FOXC2: variants seen among roughly 807,000 people sequenced by gnomAD.
FOXC2 encodes the protein forkhead box C2.
Under a neutral mutation model 7.2 loss-of-function variants are expected in FOXC2, and 7 were observed. The observed-to-expected ratio is 0.97, with a 90% CI of 0.55 to 1.81. FOXC2 has a LOEUF of 1.81. Among genes scored for constraint, FOXC2 ranks in the 40% most tolerant of loss-of-function variants. The pLI is 0.00. For missense variants in FOXC2, 846 were observed against 741.2 expected (o/e 1.14, Z -1.64); for synonymous variants, 436 against 350.4 (o/e 1.24, Z -2.73).
In FOXC2 at chr16:86,568,973, G is replaced by A. The variant is rs1174912233; in HGVS notation, c.*132G>A. The A allele has an allele frequency of 8.1e-7, 1 of 1,239,582 alleles. No individual in the cohort carries two copies. Among genetic ancestry groups the A allele is most frequent in the Non-Finnish European group, 1.2e-6 (1 of 869,468 alleles). The allele number at this position is 1,239,582 out of a possible 1,614,324, so 76.8% of individuals were successfully genotyped here. ...GTCCACCAACCTTTTCTCAGACCCG[G>A]GAGCAGAGAGCGGGCACGCTAGCCC... On this transcript the variant is annotated 3_prime_UTR_variant, in exon 1 of 1. Transcript: ENST00000649859. This position sits in a 1 kb window ranked among gnomAD's most constrained non-coding sequence, Gnocchi z 5.2.
chr16:86,568,917 G>A lies in FOXC2; in HGVS notation c.*76G>A. The A allele has an allele frequency of 1.9e-6, 3 of 1,583,410 alleles. No individual in the cohort carries two copies. The highest frequency in any genetic ancestry group is 2.6e-6 in the Non-Finnish European group (3 of 1,161,526). On this transcript the variant is annotated 3_prime_UTR_variant, in exon 1 of 1. Transcript: ENST00000649859. This position sits in a 1 kb window ranked among gnomAD's most constrained non-coding sequence, Gnocchi z 5.2. ...CCCGACCCAACCAGACAATTAAGGG[G>A]CTGCAGAGACGCAAAAAAGAAACAA...
chr16:86,568,202 G>C lies in FOXC2; in HGVS notation c.867G>C (p.Pro289=), dbSNP rs1394410046. The C allele has an allele frequency of 1.6e-6, 2 of 1,279,270 alleles. No individual in the cohort carries two copies. Among genetic ancestry groups the C allele is most frequent in the Non-Finnish European group, 9.8e-7 (1 of 1,020,406 alleles). 79.2% of individuals were successfully genotyped at this position (1,279,270 alleles called of 1,614,324 possible). A position where few individuals can be genotyped will look rare whatever the true frequency, so the allele number is the denominator to read the frequency against. Residue 289 remains proline (P), a synonymous_variant, in exon 1 of 1, where the codon CCG becomes CCC. Transcript: ENST00000649859. This position sits in a 1 kb window ranked among gnomAD's most constrained non-coding sequence, Gnocchi z 5.2. ...RTSPPGGELS[P]GAGRAGLVVP... ...CGCCGCCGGGCGGAGAGCTGAGCCCGGGGGCCGGACGCGCGGGCCTGGTGG... is the reference window on the plus strand; with the variant it reads ...CGCCGCCGGGCGGAGAGCTGAGCCCCGGGGCCGGACGCGCGGGCCTGGTGG...
chr16:86,566,912 C>T lies in FOXC2; in HGVS notation c.-424C>T, dbSNP rs1294595441. On this transcript the variant is annotated 5_prime_UTR_variant, in exon 1 of 1. Coordinates refer to ENST00000649859, the MANE Select transcript of FOXC2 (RefSeq NM_005251.3). The surrounding 1 kb of genome is among the most constrained non-coding windows in gnomAD (Gnocchi z 4.3). The stretch of plus-strand genomic sequence containing the variant: ...GCCGCTCGGACCCCGGCGCGCTGAC[C>T]CTCGGGGCTGCCGATTCGCTGGGGG... 3.3e-5 allele frequency among the ~76,000 whole-genome samples: 5 copies of T among 152,222 alleles called. No homozygotes were observed. The East Asian group carries it at 7.7e-4, about 24-fold the overall frequency.
Position 86,568,367 on chromosome 16 carries a change from GC to G in FOXC2, c.1034del (p.Pro345ArgfsTer25). 1 of 1,377,968 alleles carries G rather than the reference GC, an allele frequency of 7.3e-7. No homozygotes were observed. Among genetic ancestry groups the G allele is most frequent in the Non-Finnish European group, 9.4e-7 (1 of 1,060,400 alleles). 85.4% of individuals were successfully genotyped at this position (1,377,968 alleles called of 1,614,324 possible). On this transcript the variant is annotated frameshift_variant, in exon 1 of 1. Coordinates refer to ENST00000649859, the MANE Select transcript of FOXC2 (RefSeq NM_005251.3). LOFTEE classifies it low-confidence loss of function (END_TRUNC). This position sits in a 1 kb window ranked among gnomAD's most constrained non-coding sequence, Gnocchi z 5.2. ...TGAGCCTGTACACCGGGGCCGAGCG[GC>G]CGGCGCACATGTGCGTCCCGCCCGC... is the stretch of plus-strand genomic sequence containing the variant. The part of the protein sequence containing the change: ...AMSLYTGAER[P>X]AHMCVPPALD...
rs1390898870 is a variant in FOXC2, at chr16:86,568,335, C to A, written c.1000C>A (p.Arg334=). Residue 334 remains arginine, a synonymous_variant, in exon 1 of 1, where the codon CGA becomes AGA. Transcript: ENST00000649859. This position sits in a 1 kb window ranked among gnomAD's most constrained non-coding sequence, Gnocchi z 5.2. The part of the protein sequence containing the change: ...GAAGGYQCSM[R]AMSLYTGAER... ...CGCCGGGGGCTACCAGTGCAGCATGCGAGCGATGAGCCTGTACACCGGGGC... is the reference window on the plus strand; with the variant it reads ...CGCCGGGGGCTACCAGTGCAGCATGAGAGCGATGAGCCTGTACACCGGGGC... 7.6e-7 allele frequency: 1 copy of A among 1,323,298 alleles called. No individual in the cohort carries two copies. The highest frequency in any genetic ancestry group is 3.1e-5 in the East Asian group (1 of 32,256). The allele number at this position is 1,323,298 out of a possible 1,614,324, so 82.0% of individuals were successfully genotyped here. A position where few individuals can be genotyped will look rare whatever the true frequency, so the allele number is the denominator to read the frequency against.
Position 86,567,162 on chromosome 16 carries a change from G to A in FOXC2, c.-174G>A, listed in dbSNP as rs1276820582. ...AAGCGCGCGCCCCTGCTCGGCCCGAGCGCCGCCGCCCGCGCACCCTCGCCC... is the reference window on the plus strand; with the variant it reads ...AAGCGCGCGCCCCTGCTCGGCCCGAACGCCGCCGCCCGCGCACCCTCGCCC... On this transcript the variant is annotated 5_prime_UTR_variant, in exon 1 of 1. Coordinates refer to ENST00000649859, the MANE Select transcript of FOXC2 (RefSeq NM_005251.3). The A allele has an allele frequency of 1.1e-5, 7 of 639,522 alleles. No homozygotes were observed. The highest frequency in any genetic ancestry group is 1.8e-5 in the Non-Finnish European group (7 of 399,046). The allele number at this position is 639,522 out of a possible 1,614,324, so 39.6% of individuals were successfully genotyped here.
Position 86,567,347 on chromosome 16 carries a change from C to T in FOXC2, c.12C>T (p.Arg4=). Residue 4 remains arginine (R), a synonymous_variant, in exon 1 of 1, where the codon CGC becomes CGT. Coordinates refer to ENST00000649859, the MANE Select transcript of FOXC2 (RefSeq NM_005251.3). ...GTCTCGGAAGCAGCATGCAGGCGCG[C>T]TACTCCGTGTCCGACCCCAACGCCC... MQA[R]YSVSDPNALG... 1 of 1,612,942 alleles carries T rather than the reference C, an allele frequency of 6.2e-7. No individual in the cohort carries two copies. Among genetic ancestry groups the T allele is most frequent in the Non-Finnish European group, 8.5e-7 (1 of 1,179,842 alleles).
chr16:86,567,445 C>T lies in FOXC2; in HGVS notation c.110C>T (p.Pro37Leu). Residue 37 changes from proline to leucine, a missense_variant, in exon 1 of 1, where the codon CCC becomes CTC. Physicochemically the swap from Pro to Leu is moderately conservative, Grantham distance 98. Coordinates refer to ENST00000649859, the MANE Select transcript of FOXC2 (RefSeq NM_005251.3). ...AAGSYGGMAS[P>L]MGVYSGHPEQ... is the part of the protein sequence containing the mutation. ...GGCAGCTACGGCGGCATGGCCAGCC[C>T]CATGGGCGTCTATTCCGGCCACCCG... 3 of 1,613,326 alleles carry T rather than the reference C, an allele frequency of 1.9e-6. No individual in the cohort carries two copies. The highest frequency in any genetic ancestry group is 2.5e-6 in the Non-Finnish European group (3 of 1,179,936).
chr16:86,568,212 C>G lies in FOXC2; in HGVS notation c.877C>G (p.Arg293Gly), dbSNP rs1267050345. Residue 293 changes from arginine (R) to glycine (G), a missense_variant, in exon 1 of 1, where the codon CGC (arginine) becomes GGC (glycine). Physicochemically the swap from Arg to Gly is moderately radical, Grantham distance 125. Transcript: ENST00000649859. The surrounding 1 kb of genome is among the most constrained non-coding windows in gnomAD (Gnocchi z 5.2). ...CGGAGAGCTGAGCCCGGGGGCCGGA[C>G]GCGCGGGCCTGGTGGTGCCGCCGCT... ...PGGELSPGAGRAGLVVPPLAL... is the reference protein window; with the variant it reads ...PGGELSPGAGGAGLVVPPLAL... 8 of 1,274,600 alleles carry G rather than the reference C, an allele frequency of 6.3e-6. No individual in the cohort carries two copies. Among genetic ancestry groups the G allele is most frequent in the Non-Finnish European group, 7.9e-6 (8 of 1,017,714 alleles). 79.0% of individuals were successfully genotyped at this position (1,274,600 alleles called of 1,614,324 possible).
Position 86,568,041 on chromosome 16 carries a change from G to A in FOXC2, c.706G>A (p.Ala236Thr), listed in dbSNP as rs1384708266. The A allele has an allele frequency of 6.8e-6, 10 of 1,464,142 alleles. No homozygotes were observed. In the Admixed American group the frequency reaches 1.4e-4, roughly 21 times the overall value. 90.7% of individuals were successfully genotyped at this position (1,464,142 alleles called of 1,614,324 possible). Residue 236 changes from alanine to threonine, a missense_variant, in exon 1 of 1, where the codon GCG becomes ACG. This residue lies in a region of FOXC2 where 640 missense variants were observed against 503.2 expected (regional missense o/e 1.27). Coordinates refer to ENST00000649859, the MANE Select transcript of FOXC2 (RefSeq NM_005251.3). This position sits in a 1 kb window ranked among gnomAD's most constrained non-coding sequence, Gnocchi z 5.2. ...TKVETLSPES[A>T]LQGSPRSAAS... ...GGTGGAGACGCTGAGCCCCGAGAGC[G>A]CGCTGCAGGGCAGCCCGCGCAGCGC...
rs1018708268 is a variant in FOXC2 at position 86,567,273 on chromosome 16, C to A, written c.-63C>A. 125 of 1,594,230 alleles carry A rather than the reference C, an allele frequency of 7.8e-5. No homozygotes were observed. The highest frequency in any genetic ancestry group is 6.6e-5 in the Non-Finnish European group (77 of 1,166,888). ...TCTCGCGCTCTCTCGCTCTCAGGGCCCCCCTCGCTCCCCCGGCCGCAGTCC... is the reference window on the plus strand; with the variant it reads ...TCTCGCGCTCTCTCGCTCTCAGGGCACCCCTCGCTCCCCCGGCCGCAGTCC... On this transcript the variant is annotated 5_prime_UTR_variant, in exon 1 of 1. Coordinates refer to ENST00000649859, the MANE Select transcript of FOXC2 (RefSeq NM_005251.3).
Position 86,568,737 on chromosome 16 carries a change from G to T in FOXC2, c.1402G>T (p.Glu468Ter), listed in dbSNP as rs760599635. Reference protein sequence around the residue: ...RLGIENSTLGESQVSGNASCQ... With the variant: ...RLGIENSTLG ...GGGGATTGAGAACTCGACCCTCGGG[G>T]AGTCCCAGGTGAGTGGCAATGCCAG... Residue 468 changes from glutamate to a stop codon, truncating the protein, a stop_gained, in exon 1 of 1, where the codon GAG becomes TAG. Coordinates refer to ENST00000649859, the MANE Select transcript of FOXC2 (RefSeq NM_005251.3). LOFTEE classifies it high-confidence loss of function. This position sits in a 1 kb window ranked among gnomAD's most constrained non-coding sequence, Gnocchi z 5.2. The T allele has an allele frequency of 1.9e-6, 3 of 1,613,016 alleles. No individual in the cohort carries two copies. The Middle Eastern group carries it at 4.9e-4, about 266-fold the overall frequency.
Position 86,567,906 on chromosome 16 carries a change from T to A in FOXC2, c.571T>A (p.Ser191Thr), listed in dbSNP as rs1472483560. ...CCTCAAGGAGCCGCCCCCGGCGGCGTCCAAGGGCGCCCCGGCCACCCCCCA... is the reference window on the plus strand; with the variant it reads ...CCTCAAGGAGCCGCCCCCGGCGGCGACCAAGGGCGCCCCGGCCACCCCCCA... ...AHLKEPPPAASKGAPATPHLA... is the reference protein window; with the variant it reads ...AHLKEPPPAATKGAPATPHLA... Residue 191 changes from serine (S) to threonine (T), a missense_variant, in exon 1 of 1, where the codon TCC (serine) becomes ACC (threonine). By Grantham distance (58) the Ser-to-Thr change is moderately conservative. This residue lies in a region of FOXC2 where 640 missense variants were observed against 503.2 expected (regional missense o/e 1.27). Transcript: ENST00000649859. 1 of 1,580,856 alleles carries A rather than the reference T, an allele frequency of 6.3e-7. No homozygotes were observed. The highest frequency in any genetic ancestry group is 8.5e-7 in the Non-Finnish European group (1 of 1,172,390).
rs1974229664 is a variant in FOXC2 at position 86,568,304 on chromosome 16, CG to C, written c.973del (p.Ala325ProfsTer12). 3.1e-6 allele frequency: 4 copies of C among 1,270,092 alleles called. No homozygotes were observed. Among genetic ancestry groups the C allele is most frequent in the African/African-American group, 1.5e-5 (1 of 64,886 alleles). The allele number at this position is 1,270,092 out of a possible 1,614,324, so 78.7% of individuals were successfully genotyped here. A position where few individuals can be genotyped will look rare whatever the true frequency, so the allele number is the denominator to read the frequency against. On this transcript the variant is annotated frameshift_variant, in exon 1 of 1. Coordinates refer to ENST00000649859, the MANE Select transcript of FOXC2 (RefSeq NM_005251.3). LOFTEE classifies it low-confidence loss of function (END_TRUNC). The surrounding 1 kb of genome is among the most constrained non-coding windows in gnomAD (Gnocchi z 5.2). ...AGCCGTGCGCTCAGGGCCTGGAGGC[CG>C]GGGCCGCCGGGGGCTACCAGTGCAG... ...GQPCAQGLEA[G>X]AAGGYQCSMR...
Position 86,569,713 on chromosome 16 carries a change from GT to G in FOXC2, c.*878del, listed in dbSNP as rs752061065. ...ACTTACCTTAAAATAAACCCATGTT[GT>G]TTTTTCTGCCCAAAGTTTGGACAGT... On this transcript the variant is annotated 3_prime_UTR_variant, in exon 1 of 1. Coordinates refer to ENST00000649859, the MANE Select transcript of FOXC2 (RefSeq NM_005251.3). 6.0e-6 allele frequency: 1 copy of G among 166,300 alleles called. No homozygotes were observed. Among genetic ancestry groups the G allele is most frequent in the African/African-American group, 2.4e-5 (1 of 41,308 alleles). The allele number at this position is 166,300 out of a possible 1,614,324, so 10.3% of individuals were successfully genotyped here.
chr16:86,568,079 CG>C lies in FOXC2; in HGVS notation c.745del (p.Ala249ProfsTer28). On this transcript the variant is annotated frameshift_variant, in exon 1 of 1. Transcript: ENST00000649859. LOFTEE classifies it low-confidence loss of function (END_TRUNC). This position sits in a 1 kb window ranked among gnomAD's most constrained non-coding sequence, Gnocchi z 5.2. Reference protein sequence around the residue: ...GSPRSAASTPAGSPDGSLPEH... With the variant: ...GSPRSAASTPXGSPDGSLPEH... ...GCCCGCGCAGCGCGGCCTCCACGCC[CG>C]CCGGCTCCCCCGACGGCTCGCTGCC... The C allele has an allele frequency of 7.1e-7, 1 of 1,412,702 alleles. No individual in the cohort carries two copies. 87.5% of individuals were successfully genotyped at this position (1,412,702 alleles called of 1,614,324 possible).
In FOXC2 at chr16:86,568,028, G is replaced by A; in HGVS notation, c.693G>A (p.Leu231=). Residue 231 remains leucine, a synonymous_variant, in exon 1 of 1, where the codon CTG becomes CTA. Coordinates refer to ENST00000649859, the MANE Select transcript of FOXC2 (RefSeq NM_005251.3). This position sits in a 1 kb window ranked among gnomAD's most constrained non-coding sequence, Gnocchi z 5.2. ...ALPVITKVET[L]SPESALQGSP... is the part of the protein sequence containing the mutation. ...CGGTCATCACCAAGGTGGAGACGCT[G>A]AGCCCCGAGAGCGCGCTGCAGGGCA... 1 of 1,475,996 alleles carries A rather than the reference G, an allele frequency of 6.8e-7. No homozygotes were observed. 91.4% of individuals were successfully genotyped at this position (1,475,996 alleles called of 1,614,324 possible).
rs1974254023 is a variant in FOXC2 at position 86,569,596 on chromosome 16, T to A, written c.*755T>A. The A allele has an allele frequency of 1.2e-5, 2 of 161,594 alleles. No individual in the cohort carries two copies. Among genetic ancestry groups the A allele is most frequent in the Admixed American group, 6.9e-5 (1 of 14,512 alleles). 10.0% of individuals were successfully genotyped at this position (161,594 alleles called of 1,614,324 possible). A position where few individuals can be genotyped will look rare whatever the true frequency, so the allele number is the denominator to read the frequency against. On this transcript the variant is annotated 3_prime_UTR_variant, in exon 1 of 1. Coordinates refer to ENST00000649859, the MANE Select transcript of FOXC2 (RefSeq NM_005251.3). ...AAGTGTGATGGTTTTGTATAGTAGG[T>A]TCCACCCTGAGTATTCCTAAAAGAA... is the stretch of plus-strand genomic sequence containing the variant.
In FOXC2 at chr16:86,567,710, G is replaced by C. The variant is rs748344148; in HGVS notation, c.375G>C (p.Ser125=). 3 of 1,614,166 alleles carry C rather than the reference G, an allele frequency of 1.9e-6. No homozygotes were observed. The highest frequency in any genetic ancestry group is 2.2e-5 in the South Asian group (2 of 91,080). The change falls in exon 1 of 1, where the codon TCG becomes TCC. Residue 125 remains serine (S), a synonymous_variant. Coordinates refer to ENST00000649859, the MANE Select transcript of FOXC2 (RefSeq NM_005251.3). The stretch of plus-strand genomic sequence containing the variant: ...AGAACAGCATCCGCCACAACCTCTC[G>C]CTCAACGAGTGCTTCGTCAAGGTGC... ...GWQNSIRHNL[S]LNECFVKVPR... is the part of the protein sequence containing the mutation.
Sources: allele counts gnomAD v4.1 joint callset (sites outside exome capture counted in the v4.1 genomes callset), GRCh38; gene constraint gnomAD v4.1.1; regional missense constraint gnomAD v4.1.1; non-coding constraint Gnocchi (gnomAD v3.1); transcripts MANE v1.5; gene names NCBI Gene and HGNC (gene_info 2026-07-23, HGNC 2026-07-21).